FGF13: variants seen among roughly 807,000 people sequenced by gnomAD.
FGF13 encodes fibroblast growth factor homologous factor 2.
Under a neutral mutation model 19.5 loss-of-function variants are expected in FGF13, and 2 were observed. The ratio of observed to expected loss-of-function variants is 0.10; its 90% CI spans 0.04 to 0.32. The LOEUF is 0.32. Among genes scored for constraint, FGF13 ranks in the 10% least tolerant of loss-of-function variants. The pLI is 1.00. For missense variants in FGF13, 113 were observed against 192.7 expected, an observed-to-expected ratio of 0.59 and a Z score of 2.45; for synonymous variants, 72 against 76.9, an observed-to-expected ratio of 0.94 and a Z score of 0.33.
chrX:139,139,074 G>A (rs1240771581), intron 1 of FGF13, among the ~76,000 whole-genome samples: 1 of 109,829 alleles, frequency 9.1e-6, no homozygotes, highest in Non-Finnish European at 1.9e-5. Context: ...GAGATTGCAG[G>A]TGGGCACCAC....
At chrX:138,934,669 T>C (rs892562791) in intron 1 of FGF13, among the ~76,000 whole-genome samples, 1 of 112,307 alleles carries the variant, frequency 8.9e-6, no homozygotes, top group Non-Finnish European at 1.9e-5. Flanking sequence ...GCTTAGTAGG[T>C]TGGAAATCAA....
chrX:138,928,424 C>A (rs920057522), intron 1 of FGF13, among the ~76,000 whole-genome samples: 2 of 110,638 alleles, frequency 1.8e-5, no homozygotes, highest in Admixed American at 9.6e-5. Flanking sequence ...ATGTGTATTG[C>A]ATTATATCTA....
rs964540979 is a variant in FGF13, at chrX:138,803,730, T to G, written c.217+53782A>C. On this transcript the variant is annotated intron_variant, in intron 3 of 6. Coordinates refer to the FGF13 transcript ENST00000436198. ...TGACGATGTCATTGTAGGGAATCTC[T>G]TGGCTACTACAGCTATCCATTTCTA... Among the ~76,000 whole-genome samples, 7 of 112,485 alleles carry G rather than the reference T, an allele frequency of 6.2e-5. No individual in the cohort carries two copies. The East Asian group carries it at 2.0e-3, about 31-fold the overall frequency.
chrX:139,108,863 A>T, intron 1 of FGF13, among the ~76,000 whole-genome samples: 1 of 25,925 alleles, frequency 3.9e-5, no homozygotes, highest in Admixed American at 5.6e-4. Context: ...AACAGGCCCC[A>T]GTGTGTGTTG....
intron 3 of FGF13, among the ~76,000 whole-genome samples, chrX:138,775,698 G>A (rs1256384180): frequency 1.8e-5 from 2 of 112,364 alleles, no homozygotes; most frequent in Non-Finnish European, 3.8e-5. Flanking sequence ...TCCACAAGAT[G>A]GCACTAATTC....
chrX:139,134,038 T>C (rs1248780940), intron 1 of FGF13, among the ~76,000 whole-genome samples: 1 of 111,427 alleles, frequency 9.0e-6, no homozygotes, highest in Non-Finnish European at 1.9e-5. Flanking sequence ...TTTACGAATA[T>C]TCTTAACAAC....
intron 3 of FGF13, among the ~76,000 whole-genome samples, chrX:138,745,567 T>A (rs1207497514): frequency 8.9e-6 from 1 of 112,369 alleles, no homozygotes; most frequent in Admixed American, 9.4e-5. Context: ...ATTTAGATTT[T>A]TCCAGGTTAG....
At chrX:138,810,671 G>A (rs2090915178) in intron 3 of FGF13, among the ~76,000 whole-genome samples, 2 of 111,581 alleles carry the variant, frequency 1.8e-5, no homozygotes, top group South Asian at 7.5e-4. Context: ...TACAGAATGG[G>A]ACAAAATGTT....
Position 138,821,244 on chromosome X carries a change from T to A in FGF13, c.217+36268A>T, listed in dbSNP as rs561236115. Reference sequence around the variant, plus strand: ...CTAGAGATAGCTTATAACTGCATTGTCCAAGATGGTGTCCACTAGCAACAT... The same window carrying A: ...CTAGAGATAGCTTATAACTGCATTGACCAAGATGGTGTCCACTAGCAACAT... On this transcript the variant is annotated intron_variant, in intron 3 of 6. Transcript: ENST00000436198. Among the ~76,000 whole-genome samples, 586 of 111,862 alleles carry A rather than the reference T, an allele frequency of 5.2e-3. 2 individuals are homozygous for A. The highest frequency in any genetic ancestry group is 8.0e-3 in the Non-Finnish European group (425 of 53,188).
In FGF13 at chrX:138,918,194, T is replaced by C. The variant is rs772424099; in HGVS notation, c.-112-53544A>G. 1.2e-4 allele frequency among the ~76,000 whole-genome samples: 13 copies of C among 111,642 alleles called. No individual in the cohort carries two copies. In the East Asian group the frequency reaches 3.7e-3, roughly 31 times the overall value. On this transcript the variant is annotated intron_variant, in intron 1 of 2. Transcript: ENST00000421460. ...AAAAAAATAGGATTTCCTGTTTTCT[T>C]GTGCTTCAGTATTATTTTAATGCAG...
chrX:138,896,744 C>T (rs918419355), intron 1 of FGF13, among the ~76,000 whole-genome samples: 2 of 111,618 alleles, frequency 1.8e-5, no homozygotes, highest in African/African-American at 3.3e-5. Context: ...AAAATAATTG[C>T]CCTTCGACAT....
chrX:139,196,936 T>C (rs1449738225), intron 1 of FGF13, among the ~76,000 whole-genome samples: 2 of 112,514 alleles, frequency 1.8e-5, no homozygotes, highest in Non-Finnish European at 1.9e-5. Flanking sequence ...CTGCCACGTA[T>C]CTAGGTGTTG....
chrX:138,734,727 C>T (rs375408987), intron 1 of FGF13, among the ~76,000 whole-genome samples: 2 of 111,901 alleles, frequency 1.8e-5, no homozygotes, highest in South Asian at 7.5e-4. Context: ...TCCTCTGCTG[C>T]TTTTGTGTTA....
intron 1 of FGF13, among the ~76,000 whole-genome samples, chrX:138,992,937 T>G (rs182843737): frequency 1.8e-5 from 2 of 112,036 alleles, no homozygotes; most frequent in Non-Finnish European, 3.8e-5. Context: ...TGATCAAGGT[T>G]AACATCACCA....
chrX:138,670,505 A>T (rs1180513323), intron 3 of FGF13, among the ~76,000 whole-genome samples: 1 of 112,246 alleles, frequency 8.9e-6, no homozygotes, highest in Non-Finnish European at 1.9e-5. Context: ...CTTTTAAAAC[A>T]ATAATGTGGA....
chrX:138,860,415 C>A (rs192015164), intron 2 of FGF13, among the ~76,000 whole-genome samples: 11 of 111,362 alleles, frequency 9.9e-5, no homozygotes, highest in Non-Finnish European at 2.1e-4. Flanking sequence ...AGGAGACCTG[C>A]AAAGAATCCA....
intron 3 of FGF13, among the ~76,000 whole-genome samples, chrX:138,661,981 A>C (rs1412170037): frequency 1.8e-5 from 2 of 111,989 alleles, no homozygotes; most frequent in East Asian, 5.6e-4. Context: ...CTCAATAAAA[A>C]TTCTAATCTG....
chrX:138,734,315 G>T (rs907259222), intron 1 of FGF13, among the ~76,000 whole-genome samples: 2 of 111,448 alleles, frequency 1.8e-5, no homozygotes, highest in Non-Finnish European at 3.8e-5. Flanking sequence ...TATAGCAGTG[G>T]TTAACTAAGT....
chrX:139,100,059 C>CACACAT (rs1233276096), intron 1 of FGF13, among the ~76,000 whole-genome samples: 1 of 104,833 alleles, frequency 9.5e-6, no homozygotes, highest in African/African-American at 3.7e-5. Context: ...CACACACACA[C>CACACAT]ACACACACAC....
Sources: gnomAD v4.1 joint callset for allele counts (sites outside exome capture counted in the v4.1 genomes callset) on GRCh38, gnomAD v4.1.1 for gene constraint, MANE v1.5 for transcripts, NCBI Gene and HGNC (gene_info 2026-07-23, HGNC 2026-07-21) for gene names.